CNBD1: variants seen among roughly 807,000 people sequenced by gnomAD.
CNBD1 encodes the protein cyclic nucleotide-binding domain-containing protein 1.
A neutral mutation model predicts 54.4 loss-of-function variants in CNBD1; 71 were observed. The observed-to-expected ratio is 1.30, with a 90% CI of 1.08 to 1.59. CNBD1 has a LOEUF of 1.59. CNBD1 is among the 40% of genes most tolerant of loss of function. The pLI is 0.00. For synonymous variants in CNBD1, 182 were observed against 170.7 expected, an observed-to-expected ratio of 1.07 and a Z score of -0.51; for missense variants, 659 against 518.0, an observed-to-expected ratio of 1.27 and a Z score of -2.64.
chr8:87,117,195 G>C (rs903688624), intron 4 of CNBD1, among the ~76,000 whole-genome samples: 2 of 151,878 alleles, frequency 1.3e-5, no homozygotes, highest in African/African-American at 4.8e-5. Flanking sequence ...TCAGGAGTTC[G>C]AGACCAGCCT....
chr8:87,111,744 G>A (rs892265534), intron 4 of CNBD1, among the ~76,000 whole-genome samples: 1 of 152,096 alleles, frequency 6.6e-6, no homozygotes, highest in Non-Finnish European at 1.5e-5. Context: ...GAACACCATA[G>A]TCTATGAGCA....
chr8:87,349,743 TGTC>T (rs1419403939), intron 8 of CNBD1, among the ~76,000 whole-genome samples: 1 of 152,218 alleles, frequency 6.6e-6, no homozygotes, highest in Non-Finnish European at 1.5e-5. Context: ...TTTGCTGTAT[TGTC>T]TTCATTGAGA....
intron 1 of CNBD1, among the ~76,000 whole-genome samples, chr8:86,885,158 C>T (rs533769059): frequency 5.3e-5 from 8 of 152,286 alleles, no homozygotes; most frequent in Admixed American, 3.3e-4. Flanking sequence ...ACACAAAAAA[C>T]ATTTCTAACT....
At chr8:86,920,868 C>G (rs542604403) in intron 3 of CNBD1, among the ~76,000 whole-genome samples, 13 of 142,162 alleles carry the variant, frequency 9.1e-5, no homozygotes, top group Admixed American at 7.5e-4. Context: ...TGAAGGGCTT[C>G]TCTGTAATAC....
intron 5 of CNBD1, among the ~76,000 whole-genome samples, chr8:87,231,119 T>A (rs1210495015): frequency 6.6e-6 from 1 of 152,170 alleles, no homozygotes; most frequent in Non-Finnish European, 1.5e-5. Flanking sequence ...TAACTAATAC[T>A]ACCAAATCTC....
chr8:87,345,388 A>G lies in CNBD1; in HGVS notation c.1043-6297A>G, dbSNP rs776273500. On this transcript the variant is annotated intron_variant, in intron 8 of 10. Transcript: ENST00000518476. ...CTTAGCATCTAATCAGTCATTTGGT[A>G]CTGCTATCTAAATTCTTTTTTGGTG... 4.4e-4 allele frequency among the ~76,000 whole-genome samples: 67 copies of G among 152,132 alleles called. 2 individuals carry two copies. The highest frequency in any genetic ancestry group is 1.6e-4 in the Non-Finnish European group (11 of 68,014).
intron 5 of CNBD1, among the ~76,000 whole-genome samples, chr8:87,219,970 A>G (rs984132490): frequency 1.6e-4 from 24 of 152,064 alleles, no homozygotes; most frequent in African/African-American, 5.8e-4. Context: ...AATAGGCAAT[A>G]AAAAAGTTTA....
At chr8:87,366,906 G>A (rs1188749314) in intron 10 of CNBD1, among the ~76,000 whole-genome samples, 1 of 152,046 alleles carries the variant, frequency 6.6e-6, no homozygotes, top group African/African-American at 2.4e-5. Flanking sequence ...GTTGTTTCAA[G>A]CTAAGCCTTT....
chr8:87,342,954 G>T (rs1810097430), intron 8 of CNBD1, among the ~76,000 whole-genome samples: 1 of 152,166 alleles, frequency 6.6e-6, no homozygotes. Flanking sequence ...TAGCAAGCCT[G>T]AGGGTACTGC....
intron 2 of CNBD1, among the ~76,000 whole-genome samples, chr8:87,401,834 A>G (rs1807570565): frequency 6.6e-6 from 1 of 152,058 alleles, no homozygotes; most frequent in Admixed American, 6.6e-5. Context: ...GAACACCAAT[A>G]TCATTTGATA....
At chr8:87,103,703 T>A (rs1325485346) in intron 4 of CNBD1, among the ~76,000 whole-genome samples, 2 of 152,160 alleles carry the variant, frequency 1.3e-5, no homozygotes, top group Middle Eastern at 3.2e-3. Flanking sequence ...TTCAGTTACT[T>A]CCCACTGGGT....
At chr8:86,916,346 G>T (rs1000633098) in intron 3 of CNBD1, among the ~76,000 whole-genome samples, 10 of 152,140 alleles carry the variant, frequency 6.6e-5, no homozygotes, top group African/African-American at 2.4e-4. Flanking sequence ...TTTGACTTGG[G>T]GTTTTATACG....
chr8:87,379,387 G>C (rs1346650640), intron 10 of CNBD1, among the ~76,000 whole-genome samples: 1 of 151,816 alleles, frequency 6.6e-6, no homozygotes, highest in African/African-American at 2.4e-5. Flanking sequence ...GGACCTAGTA[G>C]ACATCTACAG....
At chr8:87,288,163 T>C (rs1808730340) in intron 8 of CNBD1, among the ~76,000 whole-genome samples, 1 of 152,094 alleles carries the variant, frequency 6.6e-6, no homozygotes, top group African/African-American at 2.4e-5. Context: ...TGATGCCTTT[T>C]TGTTCCTTCA....
At chr8:87,032,924 T>C (rs1162313390) in intron 4 of CNBD1, among the ~76,000 whole-genome samples, 1 of 152,240 alleles carries the variant, frequency 6.6e-6, no homozygotes, top group African/African-American at 2.4e-5. Context: ...TGGTGTCTAC[T>C]AGCTCTTGAT....
At chr8:87,161,382 G>A (rs976572302) in intron 4 of CNBD1, among the ~76,000 whole-genome samples, 4 of 152,132 alleles carry the variant, frequency 2.6e-5, no homozygotes, top group African/African-American at 9.7e-5. Context: ...GCTAACGCTT[G>A]CAGATAGTTC....
Position 87,417,182 on chromosome 8 carries a change from G to C in CNBD1, c.214-11364G>C, listed in dbSNP as rs920952740. 2.0e-5 allele frequency among the ~76,000 whole-genome samples: 3 copies of C among 151,932 alleles called. No homozygotes were observed. The South Asian group carries it at 6.2e-4, about 31-fold the overall frequency. On this transcript the variant is annotated intron_variant, in intron 2 of 7. Transcript: ENST00000521593. ...GGGAGGCCTCATAATCAAGGTGGAAGGTGAAGGAAAAGCAAAGGCACATCT... is the reference window on the plus strand; with the variant it reads ...GGGAGGCCTCATAATCAAGGTGGAACGTGAAGGAAAAGCAAAGGCACATCT...
At chr8:87,116,716 A>G (rs1811778347) in intron 4 of CNBD1, among the ~76,000 whole-genome samples, 1 of 152,160 alleles carries the variant, frequency 6.6e-6, no homozygotes, top group Non-Finnish European at 1.5e-5. Flanking sequence ...GGCTTGAAAT[A>G]TAAAACAGAG....
chr8:87,414,266 G>C (rs1031299752), intron 2 of CNBD1, among the ~76,000 whole-genome samples: 2 of 151,752 alleles, frequency 1.3e-5, no homozygotes, highest in Admixed American at 1.3e-4. Flanking sequence ...GCAAACTATC[G>C]CAAGGACAAA....
Sources: gnomAD v4.1 joint callset for allele counts (sites outside exome capture counted in the v4.1 genomes callset) on GRCh38, gnomAD v4.1.1 for gene constraint, MANE v1.5 for transcripts, NCBI Gene and HGNC (gene_info 2026-07-23, HGNC 2026-07-21) for gene names.